Variants in PM20D1 observed in about 807,000 individuals in gnomAD.
PM20D1 encodes N-fatty-acyl-amino acid synthase/hydrolase PM20D1.
In PM20D1, 53 loss-of-function variants were observed where a neutral mutation model predicts 53.8. That is an observed-to-expected ratio of 0.98 (90% CI 0.79 to 1.24). The LOEUF (loss-of-function observed/expected upper bound fraction) is 1.24. Ranked by LOEUF, PM20D1 falls within the 50% of genes most tolerant of loss-of-function variation. The pLI is 0.00. For synonymous variants in PM20D1, 239 were observed against 241.3 expected (o/e 0.99, Z 0.09); for missense variants, 564 against 616.8 (o/e 0.91, Z 0.91).
At chr1:205,838,803 A>G (rs1007217781) in intron 10 of PM20D1, among the ~76,000 whole-genome samples, 13 of 152,246 alleles carry the variant, frequency 8.5e-5, no homozygotes, top group Non-Finnish European at 1.3e-4. Flanking sequence ...TACTTGGTCA[A>G]CTACCCAGGT....
At chr1:205,833,528 C>G (rs886806917) in intron 10 of PM20D1, among the ~76,000 whole-genome samples, 3 of 152,230 alleles carry the variant, frequency 2.0e-5, no homozygotes, top group African/African-American at 7.2e-5. Flanking sequence ...TACTTGTATT[C>G]AAGTTTTCTC....
At chr1:205,843,105 G>T (rs1411530919) in intron 6 of PM20D1, among the ~76,000 whole-genome samples, 1 of 152,140 alleles carries the variant, frequency 6.6e-6, no homozygotes, top group Non-Finnish European at 1.5e-5. Flanking sequence ...ACCCAGCCAG[G>T]AGTAAGCTCT....
In PM20D1 at chr1:205,835,952, T is replaced by C. The variant is rs563181390; in HGVS notation, c.1117-3186A>G. Reference sequence around the variant, plus strand: ...GTGCAATGGTGTGATCTTGGCTCACTGCAACCTCTGCCTCCTGGGTTCGAG... The same window carrying C: ...GTGCAATGGTGTGATCTTGGCTCACCGCAACCTCTGCCTCCTGGGTTCGAG... On this transcript the variant is annotated intron_variant, in intron 10 of 12. Transcript: ENST00000367136. Among the ~76,000 whole-genome samples the C allele has an allele frequency of 2.3e-4, 35 of 152,206 alleles. No homozygotes were observed. In the South Asian group the frequency reaches 7.1e-3, roughly 31 times the overall value.
intron 2 of PM20D1, 132 bp downstream of exon 2, chr1:205,847,753 C>G (rs1657023924): frequency 8.2e-6 from 6 of 730,596 alleles, no homozygotes; most frequent in South Asian, 6.9e-5. Flanking sequence ...AATCTACAGT[C>G]TCTACTCTGC....
chr1:205,845,342 CGT>C lies in PM20D1; in HGVS notation c.470_471del (p.Asp157GlyfsTer33). 1 of 1,613,758 alleles carries C rather than the reference CGT, an allele frequency of 6.2e-7. No homozygotes were observed. ...DGIIYGRGTL[D>X]DKNSVMALLQ... Reference sequence around the variant, plus strand: ...TCTCAGACCATCACAGAGTTCTTGTCGTCCAGTGTGCCCCGACCATAGATGAT... The same window carrying C: ...TCTCAGACCATCACAGAGTTCTTGTCCCAGTGTGCCCCGACCATAGATGAT... On this transcript the variant is annotated frameshift_variant, in exon 3 of 13. Coordinates refer to ENST00000367136, the MANE Select transcript of PM20D1 (RefSeq NM_152491.5). LOFTEE classifies it high-confidence loss of function.
At chr1:205,847,540 G>A (rs1244337562) in intron 2 of PM20D1, among the ~76,000 whole-genome samples, 1 of 137,484 alleles carries the variant, frequency 7.3e-6, no homozygotes, top group Admixed American at 7.5e-5. Context: ...TGTGTAAGGA[G>A]GTAGGGGTGG....
At chr1:205,847,737 A>G (rs1657023633) in intron 2 of PM20D1, 148 bp downstream of exon 2, 5 of 719,398 alleles carry the variant, frequency 7.0e-6, no homozygotes. Flanking sequence ...AGTTTTTCCA[A>G]GAGCAAATCT....
At chr1:205,843,045 C>T (rs1656853062) in intron 6 of PM20D1, among the ~76,000 whole-genome samples, 1 of 152,204 alleles carries the variant, frequency 6.6e-6, no homozygotes, top group South Asian at 2.1e-4. Context: ...AATTGTCAGT[C>T]TCCTGACAAT....
chr1:205,833,793 G>C (rs1054706955), intron 10 of PM20D1, among the ~76,000 whole-genome samples: 12 of 152,104 alleles, frequency 7.9e-5, no homozygotes, highest in African/African-American at 2.4e-4. Flanking sequence ...CTCTAGAAAG[G>C]GGGGGTTGTC....
chr1:205,844,401 C>T (rs1656894006), intron 4 of PM20D1, among the ~76,000 whole-genome samples, 184 bp from the exon 5 acceptor site: 1 of 152,186 alleles, frequency 6.6e-6, no homozygotes, highest in Non-Finnish European at 1.5e-5. Context: ...AGCTGGCAGG[C>T]CTCACCCTCC....
chr1:205,830,051 T>C, intron 12 of PM20D1: 1 of 443,372 alleles, frequency 2.3e-6, no homozygotes, highest in Non-Finnish European at 4.1e-6. Context: ...CACCCAATTA[T>C]CTCCATCTTT....
chr1:205,843,717 T>G lies in PM20D1; in HGVS notation c.777A>C (p.Ser259=), dbSNP rs771858565. The G allele has an allele frequency of 4.3e-6, 7 of 1,614,050 alleles. No homozygotes were observed. In the East Asian group the frequency reaches 1.6e-4, roughly 36 times the overall value. Residue 259 remains serine, a synonymous_variant, in exon 6 of 13, where the codon TCA becomes TCC. Coordinates refer to ENST00000367136, the MANE Select transcript of PM20D1 (RefSeq NM_152491.5). ...LQVNMTSGHS[S]APPKETSIGI... ...CAATGCTTGTCTCCTTTGGAGGAGCTGAAGAGTGGCCTGAAGTCATGTTTA... is the reference window on the plus strand; with the variant it reads ...CAATGCTTGTCTCCTTTGGAGGAGCGGAAGAGTGGCCTGAAGTCATGTTTA...
At position 205,845,363 on chromosome 1, in the gene PM20D1, A is replaced by C; in HGVS notation, c.451T>G (p.Tyr151Asp). Residue 151 changes from tyrosine (Y) to aspartate (D), a missense_variant, in exon 3 of 13, where the codon TAT becomes GAT. Physicochemically the swap from Tyr to Asp is radical, Grantham distance 160 (BLOSUM62 -3). Transcript: ENST00000367136. ...FSGLERDGII[Y>D]GRGTLDDKNS... is the part of the protein sequence containing the mutation. ...TTGTCGTCCAGTGTGCCCCGACCAT[A>C]GATGATGCCATCACGCTCCAACCCA... The C allele has an allele frequency of 6.2e-7, 1 of 1,614,168 alleles. No homozygotes were observed. Among genetic ancestry groups the C allele is most frequent in the Non-Finnish European group, 8.5e-7 (1 of 1,180,010 alleles).
intron 2 of PM20D1, among the ~76,000 whole-genome samples, chr1:205,847,166 C>T (rs1657009547): frequency 7.8e-6 from 1 of 127,414 alleles, no homozygotes. Context: ...CAGGTGCTCG[C>T]CACCATGCAT....
intron 2 of PM20D1, among the ~76,000 whole-genome samples, chr1:205,846,003 A>T (rs574244416): frequency 3.1e-4 from 47 of 151,468 alleles, no homozygotes; most frequent in Non-Finnish European, 4.7e-4. Context: ...GAATCGCTTG[A>T]ACCTGGGAGG....
intron 2 of PM20D1, 27 bp from the exon 3 acceptor site, chr1:205,845,584 G>A: frequency 2.5e-6 from 4 of 1,577,078 alleles, no homozygotes; most frequent in Non-Finnish European, 3.5e-6. Flanking sequence ...CAGGAAGAGA[G>A]AACCAGGGTT....
rs778316613 is a variant in PM20D1 at position 205,842,738 on chromosome 1, G to T, written c.841C>A (p.Pro281Thr). 4 of 1,613,892 alleles carry T rather than the reference G, an allele frequency of 2.5e-6. No individual in the cohort carries two copies. In the African/African-American group the frequency reaches 5.3e-5, roughly 22 times the overall value. ...AAAVSRLEQT[P>T]MPIIFGSGTV... Reference sequence around the variant, plus strand: ...CCGCTTCCAAATATGATAGGCATTGGTGTCTGCTCCAATCTGGAAGAGAAA... The same window carrying T: ...CCGCTTCCAAATATGATAGGCATTGTTGTCTGCTCCAATCTGGAAGAGAAA... The change falls in exon 7 of 13, where the codon CCA becomes ACA. Residue 281 changes from proline to threonine, a missense_variant. Pro to Thr is a conservative substitution (Grantham distance 38). Transcript: ENST00000367136.
rs78099089 is a variant in PM20D1, at chr1:205,828,945, G to A, written c.1386-202C>T. Among the ~76,000 whole-genome samples the A allele has an allele frequency of 5.7e-3, 863 of 152,284 alleles. 5 individuals are homozygous for A. Among genetic ancestry groups the A allele is most frequent in the African/African-American group, 0.02 (833 of 41,546 alleles). ...GTTTCTCAGGGATCCATCTATGCTC[G>A]TGACAAAGAACAGTGTGGAATAAAC... On this transcript the variant is annotated intron_variant, in intron 12 of 12. Coordinates refer to ENST00000367136, the MANE Select transcript of PM20D1 (RefSeq NM_152491.5).
chr1:205,833,726 A>G (rs929642090), intron 10 of PM20D1, among the ~76,000 whole-genome samples: 3 of 152,204 alleles, frequency 2.0e-5, no homozygotes, highest in Admixed American at 6.5e-5. Flanking sequence ...TTGCTCTCCA[A>G]AGCTCCAGCA....
Sources: allele counts gnomAD v4.1 joint callset (sites outside exome capture counted in the v4.1 genomes callset), GRCh38; gene constraint gnomAD v4.1.1; transcripts MANE v1.5; gene names NCBI Gene and HGNC (gene_info 2026-07-23, HGNC 2026-07-21).